Variants in CFAP74 observed in about 807,000 individuals in gnomAD.
CFAP74 encodes cilia and flagella associated protein 74.
In CFAP74, 124 loss-of-function variants were observed where a neutral mutation model predicts 188.9. That is an observed-to-expected ratio of 0.66 (90% CI 0.57 to 0.76). CFAP74 has a LOEUF of 0.76. Ranked by LOEUF, CFAP74 falls within the 30% of genes least tolerant of loss-of-function variation. CFAP74 has a pLI of 0.00. For missense variants in CFAP74, 2,198 were observed against 2,165.2 expected (o/e 1.02, Z -0.30); for synonymous variants, 956 against 916.7 (o/e 1.04, Z -0.77).
intron 1 of CFAP74, among the ~76,000 whole-genome samples, chr1:1,991,857 G>GA (rs1558066250): frequency 6.6e-6 from 1 of 151,744 alleles, no homozygotes; most frequent in Non-Finnish European, 1.5e-5. Flanking sequence ...GGCTAGCACA[G>GA]TGAAACCCCA....
chr1:1,939,564 T>C, intron 24 of CFAP74, 30 bp downstream of exon 24: 1 of 1,527,324 alleles, frequency 6.5e-7, no homozygotes, highest in Non-Finnish European at 8.8e-7. Context: ...GCCTCACCCC[T>C]CTTACCCCAG....
At chr1:1,988,440 C>T (rs1159095089) in intron 4 of CFAP74, 72 bp downstream of exon 4, 1 of 1,581,294 alleles carries the variant, frequency 6.3e-7, no homozygotes, top group Non-Finnish European at 8.6e-7. Context: ...ACAGGACCAC[C>T]CCTGCTGCAC....
At chr1:1,957,679 G>A (rs970890259) in intron 16 of CFAP74, among the ~76,000 whole-genome samples, 4 of 152,186 alleles carry the variant, frequency 2.6e-5, no homozygotes, top group Non-Finnish European at 5.9e-5. Context: ...CGTGCTCCAT[G>A]ATGCTGATCC....
At chr1:1,951,317 C>T (rs765432818) in intron 18 of CFAP74, among the ~76,000 whole-genome samples, 1 of 152,200 alleles carries the variant, frequency 6.6e-6, no homozygotes. Context: ...GTGGGGATTA[C>T]AATTTGAGAC....
chr1:1,986,185 C>A (rs904061627), intron 5 of CFAP74, among the ~76,000 whole-genome samples: 7 of 152,160 alleles, frequency 4.6e-5, no homozygotes, highest in African/African-American at 9.7e-5. Context: ...GAGTTCAAGA[C>A]CAGCCTGGCC....
At chr1:1,931,607 G>A (rs1652384425) in intron 25 of CFAP74, among the ~76,000 whole-genome samples, 1 of 150,230 alleles carries the variant, frequency 6.7e-6, no homozygotes, top group Admixed American at 6.6e-5. Context: ...TGTGCTGGCG[G>A]GCGCCTGTAG....
In CFAP74 at chr1:1,990,901, A is replaced by G. The variant is rs1657529006; in HGVS notation, c.56T>C (p.Leu19Pro). ...PEDELLADAL[L>P]LEDERDELED... is the part of the protein sequence containing the mutation. The stretch of plus-strand genomic sequence containing the variant: ...AGAAGCTTTATTACCATCTTCCAAA[A>G]GAAGGGCATCGGCCAAAAGCTCGTC... The change falls in exon 2 of 39, where the codon CTT becomes CCT. Residue 19 changes from leucine to proline, a missense_variant. Coordinates refer to ENST00000682832, the MANE Select transcript of CFAP74 (RefSeq NM_001304360.2). 6.2e-7 allele frequency: 1 copy of G among 1,612,022 alleles called. No individual in the cohort carries two copies. The highest frequency in any genetic ancestry group is 1.3e-5 in the African/African-American group (1 of 74,846).
chr1:1,949,630 C>T (rs950707258), intron 18 of CFAP74, among the ~76,000 whole-genome samples: 3 of 152,278 alleles, frequency 2.0e-5, no homozygotes, highest in South Asian at 4.1e-4. Flanking sequence ...ATGGCCCCAC[C>T]GTGCCCACGT....
At chr1:1,987,149 C>A in intron 4 of CFAP74, 114 bp from the exon 5 acceptor site, 2 of 777,036 alleles carry the variant, frequency 2.6e-6, no homozygotes, top group Non-Finnish European at 2.1e-6. Context: ...CAGAGCCCCC[C>A]TCACCCGGGC....
At chr1:1,974,751 G>T (rs1241389791) in intron 6 of CFAP74, among the ~76,000 whole-genome samples, 1 of 152,226 alleles carries the variant, frequency 6.6e-6, no homozygotes, top group Admixed American at 6.5e-5. Flanking sequence ...CGTCTGTGGT[G>T]GCCCCAGATG....
chr1:2,002,049 G>C (rs1658234112), intron 1 of CFAP74, among the ~76,000 whole-genome samples: 1 of 152,176 alleles, frequency 6.6e-6, no homozygotes, highest in Admixed American at 6.5e-5. Context: ...TGTTTGACAG[G>C]CTGAGGGGTA....
chr1:1,986,870 G>A (rs1318281955), intron 5 of CFAP74, 67 bp downstream of exon 5: 4 of 1,378,166 alleles, frequency 2.9e-6, no homozygotes, highest in Non-Finnish European at 4.0e-6. Context: ...CTCACTTTGG[G>A]TGAACCAGTG....
chr1:1,956,319 T>C (rs552300718), intron 17 of CFAP74, among the ~76,000 whole-genome samples: 1 of 152,224 alleles, frequency 6.6e-6, no homozygotes, highest in Admixed American at 6.5e-5. Context: ...CAGAGATGCG[T>C]CGGGGGAGGC....
rs1376037423 is a variant in CFAP74, at chr1:1,923,117, T to C, written c.4551A>G (p.Pro1517=). The C allele has an allele frequency of 6.2e-7, 1 of 1,609,740 alleles. No homozygotes were observed. The change falls in exon 37 of 39, where the codon CCA becomes CCG. Residue 1517 remains proline (P), a synonymous_variant. Transcript: ENST00000682832. This position sits in a 1 kb window ranked among gnomAD's most constrained non-coding sequence, Gnocchi z 6.3. The part of the protein sequence containing the change: ...EASSRPGPLS[P]EAEELRPILV... ...GGATGGGCCTCAGCTCCTCAGCTTC[T>C]GGAGAGAGAGGGCCTGGCCGGGAGC...
chr1:1,962,881 C>T (rs892315210), intron 14 of CFAP74, among the ~76,000 whole-genome samples: 6 of 151,724 alleles, frequency 4.0e-5, no homozygotes, highest in African/African-American at 1.5e-4. Flanking sequence ...AGAGCAAGAC[C>T]CTGTCAAAAA....
chr1:1,976,932 G>A (rs1054461112), intron 6 of CFAP74, among the ~76,000 whole-genome samples: 2 of 151,732 alleles, frequency 1.3e-5, no homozygotes, highest in Non-Finnish European at 2.9e-5. Context: ...TGCAAGCTCC[G>A]CCTCCCGAGT....
Position 1,970,722 on chromosome 1 carries a change from C to T in CFAP74, c.983G>A (p.Gly328Asp), listed in dbSNP as rs570149409. 1.5e-5 allele frequency: 24 copies of T among 1,614,104 alleles called. No individual in the cohort carries two copies. In the East Asian group the frequency reaches 4.9e-4, roughly 33 times the overall value. The part of the protein sequence containing the change: ...QAEKKAILAQ[G>D]RDAFRHLVHQ... ...GACAAGGTGCCTGAATGCATCCCTG[C>T]CCTGGGCCAGAATCGCCTTCTTCTC... Residue 328 changes from glycine (G) to aspartate (D), a missense_variant, in exon 10 of 39, where the codon GGC (glycine) becomes GAC (aspartate). By Grantham distance (94) the Gly-to-Asp change is moderately conservative. Coordinates refer to ENST00000682832, the MANE Select transcript of CFAP74 (RefSeq NM_001304360.2).
chr1:1,993,718 C>T (rs1657733437), intron 1 of CFAP74, among the ~76,000 whole-genome samples: 1 of 152,170 alleles, frequency 6.6e-6, no homozygotes. Context: ...CACAGTGGCT[C>T]ACGCCTGCAA....
In CFAP74 at chr1:1,928,811, G is replaced by A; in HGVS notation, c.3360C>T (p.Leu1120=). 1 of 1,535,680 alleles carries A rather than the reference G, an allele frequency of 6.5e-7. No homozygotes were observed. Among genetic ancestry groups the A allele is most frequent in the East Asian group, 2.4e-5 (1 of 40,902 alleles). Residue 1120 remains leucine, a synonymous_variant, in exon 27 of 39, where the codon CTC becomes CTT. Coordinates refer to ENST00000682832, the MANE Select transcript of CFAP74 (RefSeq NM_001304360.2). ...ATTTGGTCTCCATTTCTTTGTTCAG[G>A]AGTGGGAGGGCTTCCTGGCGGATCA... ...EKLIRQEALP[L]LNKEMETKSF... is the part of the protein sequence containing the mutation.
Sources: allele counts gnomAD v4.1 joint callset (sites outside exome capture counted in the v4.1 genomes callset), GRCh38; gene constraint gnomAD v4.1.1; non-coding constraint Gnocchi (gnomAD v3.1); transcripts MANE v1.5; gene names NCBI Gene and HGNC (gene_info 2026-07-23, HGNC 2026-07-21).